CYP2C19: variants seen among roughly 807,000 people sequenced by gnomAD.
CYP2C19 encodes cytochrome P450 2C19.
Under a neutral mutation model 40.9 loss-of-function variants are expected in CYP2C19, and 59 were observed. The observed-to-expected ratio is 1.44, with a 90% CI of 1.17 to 1.79. The LOEUF (loss-of-function observed/expected upper bound fraction) is 1.79. CYP2C19 is among the 40% of genes most tolerant of loss of function. CYP2C19 has a pLI of 0.00. For missense variants in CYP2C19, 754 were observed against 596.9 expected (o/e 1.26, Z -2.74); for synonymous variants, 253 against 208.7 (o/e 1.21, Z -1.83).
At chr10:94,796,271 T>C (rs1229561642) in intron 5 of CYP2C19, among the ~76,000 whole-genome samples, 1 of 152,192 alleles carries the variant, frequency 6.6e-6, no homozygotes, top group African/African-American at 2.4e-5. Context: ...TTCCCATTTC[T>C]TGTTTTTGTC....
At position 94,765,173 on chromosome 10, in the gene CYP2C19, T is replaced by A. The variant is rs1041196597; in HGVS notation, c.168+2300T>A. 8.5e-5 allele frequency among the ~76,000 whole-genome samples: 13 copies of A among 152,122 alleles called. 1 individual carries two copies. The highest frequency in any genetic ancestry group is 7.2e-4 in the Admixed American group (11 of 15,270). On this transcript the variant is annotated intron_variant, in intron 1 of 8. Transcript: ENST00000371321. ...TGTGGTAGTAGGATAATGAAGTAGATAAACTGGCTATTCTGGTTCCTGTAG... is the reference window on the plus strand; with the variant it reads ...TGTGGTAGTAGGATAATGAAGTAGAAAAACTGGCTATTCTGGTTCCTGTAG...
At chr10:94,782,219 T>C (rs977477849) in intron 5 of CYP2C19, among the ~76,000 whole-genome samples, 3 of 152,154 alleles carry the variant, frequency 2.0e-5, no homozygotes, top group African/African-American at 7.2e-5. Context: ...TAGATAAATA[T>C]AATCTATCTG....
rs764224705 is a variant in CYP2C19 at position 94,775,571 on chromosome 10, T to C, written c.481+32T>C. The C allele has an allele frequency of 1.6e-5, 26 of 1,613,722 alleles. No individual in the cohort carries two copies. The African/African-American group carries it at 3.3e-4, about 21-fold the overall frequency. On this transcript the variant is annotated intron_variant, in intron 3 of 8. Coordinates refer to ENST00000371321, the MANE Select transcript of CYP2C19 (RefSeq NM_000769.4). ...GAACATACTCTCTATCACTGACCTT[T>C]CTGGACTGCTCTCCTCTCTACTGAC...
At chr10:94,791,016 ATGC>A (rs1848598743) in intron 5 of CYP2C19, among the ~76,000 whole-genome samples, 1 of 152,012 alleles carries the variant, frequency 6.6e-6, no homozygotes, top group Admixed American at 6.5e-5. Context: ...TTTGGTTGGT[ATGC>A]TATTAATTAT....
At chr10:94,826,522 T>A (rs898441808) in intron 6 of CYP2C19, among the ~76,000 whole-genome samples, 1 of 152,220 alleles carries the variant, frequency 6.6e-6, no homozygotes, top group Non-Finnish European at 1.5e-5. Context: ...TCCTGAGACT[T>A]TGCTGAAGTT....
chr10:94,847,115 T>G (rs948871250), intron 7 of CYP2C19, among the ~76,000 whole-genome samples: 2 of 151,954 alleles, frequency 1.3e-5, no homozygotes, highest in African/African-American at 4.8e-5. Flanking sequence ...TTAGGGTACA[T>G]GTGCACAACG....
At position 94,775,106 on chromosome 10, in the gene CYP2C19, C is replaced by T. The variant is rs145328984; in HGVS notation, c.217C>T (p.Arg73Cys). The change falls in exon 2 of 9, where the codon CGC becomes TGC. Residue 73 changes from arginine (R) to cysteine (C), a missense_variant. Arg to Cys is a radical substitution (Grantham distance 180). Coordinates refer to ENST00000371321, the MANE Select transcript of CYP2C19 (RefSeq NM_000769.4). ...PVFTLYFGLERMVVLHGYEVV... is the reference protein window; with the variant it reads ...PVFTLYFGLECMVVLHGYEVV... Reference sequence around the variant, plus strand: ...GTTCACTCTGTATTTTGGCCTGGAACGCATGGTGGTGCTGCATGGATATGA... The same window carrying T: ...GTTCACTCTGTATTTTGGCCTGGAATGCATGGTGGTGCTGCATGGATATGA... 2.1e-4 allele frequency: 338 copies of T among 1,614,092 alleles called. 2 individuals are homozygous for T. In the African/African-American group the frequency reaches 2.6e-3, roughly 12 times the overall value.
intron 5 of CYP2C19, among the ~76,000 whole-genome samples, chr10:94,802,231 G>A (rs113546720): frequency 0.049 from 7,439 of 152,116 alleles, 247 homozygotes; most frequent in South Asian, 0.12. Flanking sequence ...TTTACAGAGC[G>A]CTGATTGGTG....
intron 7 of CYP2C19, among the ~76,000 whole-genome samples, chr10:94,848,462 G>A (rs975058068): frequency 5.3e-5 from 8 of 152,184 alleles, no homozygotes; most frequent in African/African-American, 1.9e-4. Context: ...CCAGTACCAT[G>A]CTGTTTTGGT....
intron 6 of CYP2C19, among the ~76,000 whole-genome samples, chr10:94,837,743 A>T (rs1439031872): frequency 6.6e-6 from 1 of 152,090 alleles, no homozygotes; most frequent in Non-Finnish European, 1.5e-5. Flanking sequence ...TCAATGGTCA[A>T]GCATACCCGG....
chr10:94,794,141 G>A (rs1317095718), intron 5 of CYP2C19, among the ~76,000 whole-genome samples: 3 of 152,154 alleles, frequency 2.0e-5, no homozygotes, highest in African/African-American at 4.8e-5. Context: ...GGTTCTGTGG[G>A]CATGGGACCC....
intron 5 of CYP2C19, among the ~76,000 whole-genome samples, chr10:94,797,348 G>A (rs1360820990): frequency 1.4e-4 from 21 of 150,820 alleles, no homozygotes; most frequent in South Asian, 8.4e-4. Context: ...AAGCCAACTT[G>A]ATTGTGGTGG....
intron 7 of CYP2C19, among the ~76,000 whole-genome samples, chr10:94,847,597 A>G (rs1048560805): frequency 4.6e-5 from 7 of 152,166 alleles, no homozygotes; most frequent in African/African-American, 1.7e-4. Flanking sequence ...ATACCCAGTA[A>G]TGGGATGGCT....
chr10:94,793,192 T>C (rs1170425276), intron 5 of CYP2C19, among the ~76,000 whole-genome samples: 2 of 152,162 alleles, frequency 1.3e-5, no homozygotes, highest in East Asian at 1.9e-4. Flanking sequence ...CATGACATGG[T>C]TTTCAGTTCC....
In CYP2C19 at chr10:94,853,342, G is replaced by T. The variant is rs748874211; in HGVS notation, c.*428G>T. 1.3e-4 allele frequency: 53 copies of T among 401,508 alleles called. No homozygotes were observed. The highest frequency in any genetic ancestry group is 2.2e-4 in the Non-Finnish European group (48 of 219,082). 24.9% of individuals were successfully genotyped at this position (401,508 alleles called of 1,614,324 possible). A position where few individuals can be genotyped will look rare whatever the true frequency, so the allele number is the denominator to read the frequency against. On this transcript the variant is annotated 3_prime_UTR_variant, in exon 9 of 9. Transcript: ENST00000371321. Reference sequence around the variant, plus strand: ...AATAGAGTTCCAGGAGGCCATGCTGGTTCTCAAAACGATAAGGACAGAAAG... The same window carrying T: ...AATAGAGTTCCAGGAGGCCATGCTGTTTCTCAAAACGATAAGGACAGAAAG...
intron 5 of CYP2C19, among the ~76,000 whole-genome samples, chr10:94,817,563 T>C (rs1849026641): frequency 6.9e-6 from 1 of 145,750 alleles, no homozygotes; most frequent in African/African-American, 2.6e-5. Flanking sequence ...TCTTTTGCTG[T>C]GCAGAAGCTC....
intron 1 of CYP2C19, among the ~76,000 whole-genome samples, chr10:94,763,317 C>T (rs1848198394): frequency 6.6e-6 from 1 of 152,122 alleles, no homozygotes. Flanking sequence ...AAGGAAGCAG[C>T]TGTGGGTTTA....
chr10:94,824,354 AAGAT>A (rs908981520), intron 6 of CYP2C19, among the ~76,000 whole-genome samples: 5 of 152,092 alleles, frequency 3.3e-5, no homozygotes, highest in African/African-American at 1.2e-4. Context: ...AATCTACAAA[AAGAT>A]AAGTAAGAAA....
Position 94,780,657 on chromosome 10 carries a change from C to T in CYP2C19, c.640C>T (p.Gln214Ter), listed in dbSNP as rs1848467948. The T allele has an allele frequency of 1.2e-6, 2 of 1,613,422 alleles. No individual in the cohort carries two copies. Among genetic ancestry groups the T allele is most frequent in the Non-Finnish European group, 1.7e-6 (2 of 1,179,712 alleles). Residue 214 changes from glutamine to a stop codon, truncating the protein, a stop_gained and splice_region_variant, in exon 4 of 9, where the codon CAG (glutamine) becomes TAG (stop). Transcript: ENST00000371321. LOFTEE classifies it high-confidence loss of function. ...CAGGATTGTAAGCACCCCCTGGATC[C>T]AGGTAAGGCCAAGTTTTTTGCTTCC... ...NIRIVSTPWI[Q>*]ICNNFPTIID... is the part of the protein sequence containing the mutation.
Sources: allele counts gnomAD v4.1 joint callset (sites outside exome capture counted in the v4.1 genomes callset), GRCh38; gene constraint gnomAD v4.1.1; transcripts MANE v1.5; gene names NCBI Gene and HGNC (gene_info 2026-07-23, HGNC 2026-07-21).